The following CENPS variants were observed in gnomAD, a reference collection of about 807,000 sequenced individuals.
The protein encoded by CENPS is centromere protein S.
In CENPS, 16 loss-of-function variants were observed where a neutral mutation model predicts 17.9. That is an observed-to-expected ratio of 0.90 (90% confidence interval 0.61 to 1.36). The LOEUF (loss-of-function observed/expected upper bound fraction) is 1.36, where lower values mean the gene tolerates loss of function less well. Ranked by LOEUF, CENPS falls within the 40% of genes most tolerant of loss-of-function variation. The pLI, the probability that CENPS is intolerant of heterozygous loss-of-function variation, is 0.00. For missense variants in CENPS, 160 were observed against 158.6 expected, an observed-to-expected ratio of 1.01 and a Z score of -0.05; for synonymous variants, 49 against 55.8, an observed-to-expected ratio of 0.88 and a Z score of 0.54.
Position 10,434,722 on chromosome 1 carries a change from G to A in CENPS, c.209+32G>A, listed in dbSNP as rs1364199884. On this transcript the variant is annotated intron_variant, in intron 3 of 4. Transcript: ENST00000309048. ...AGAGAACTTGATTATCCGACACTGC[G>A]TCTGTGTAGCTTTTTGGGGCCTCTC... 5.7e-6 allele frequency: 9 copies of A among 1,579,688 alleles called. No homozygotes were observed. The Admixed American group carries it at 9.8e-5, about 17-fold the overall frequency.
At chr1:10,439,514 G>T (rs1640315952) in intron 3 of CENPS, among the ~76,000 whole-genome samples, 2 of 152,146 alleles carry the variant, frequency 1.3e-5, no homozygotes, top group Admixed American at 1.3e-4. Context: ...TTGGGAGGCA[G>T]CTGGATCATG....
At chr1:10,435,286 A>G (rs1640100051) in intron 3 of CENPS, among the ~76,000 whole-genome samples, 1 of 152,222 alleles carries the variant, frequency 6.6e-6, no homozygotes, top group Admixed American at 6.5e-5. Flanking sequence ...AATTGCTTTT[A>G]TGAAGCAATT....
chr1:10,431,117 C>T, intron 1 of CENPS: 2 of 1,415,692 alleles, frequency 1.4e-6, no homozygotes, highest in Non-Finnish European at 1.8e-6. Context: ...TTCTTCTCTG[C>T]AAAATCGTCA....
rs1557772267 is a variant in CENPS at position 10,430,519 on chromosome 1, TGGA to T, written c.11_13del (p.Glu4?). On this transcript the variant is annotated start_lost and inframe_deletion, in exon 1 of 5. Coordinates refer to ENST00000309048, the MANE Select transcript of CENPS (RefSeq NM_199294.3). Reference sequence around the variant, plus strand: ...TTTGCCCAGGGTCGGCCCGCAGTGATGGAGGAGGAGGCGGAGACCGAGGAGCAG... The same window carrying T: ...TTTGCCCAGGGTCGGCCCGCAGTGATGGAGGAGGCGGAGACCGAGGAGCAG... 3 of 1,537,008 alleles carry T rather than the reference TGGA, an allele frequency of 2.0e-6. No individual in the cohort carries two copies. The highest frequency in any genetic ancestry group is 2.6e-5 in the East Asian group (1 of 39,198).
intron 1 of CENPS, chr1:10,431,021 G>A (rs1639884925): frequency 5.3e-6 from 7 of 1,324,778 alleles, no homozygotes; most frequent in African/African-American, 4.5e-5. Context: ...GTGCGGACCA[G>A]TCAGGCCCAG....
chr1:10,439,791 C>T (rs1314085216), intron 3 of CENPS, among the ~76,000 whole-genome samples: 1 of 151,492 alleles, frequency 6.6e-6, no homozygotes, highest in African/African-American at 2.4e-5. Context: ...TGGGTTATTG[C>T]GGAGGGAATG....
intron 3 of CENPS, among the ~76,000 whole-genome samples, chr1:10,439,480 G>T (rs550755589): frequency 8.5e-5 from 13 of 152,356 alleles, no homozygotes; most frequent in Admixed American, 2.6e-4. Context: ...GGGCTTGGTG[G>T]CTCACGCCTG....
At chr1:10,438,623 T>C (rs1377772310) in intron 3 of CENPS, among the ~76,000 whole-genome samples, 3 of 152,124 alleles carry the variant, frequency 2.0e-5, no homozygotes, top group Admixed American at 2.0e-4. Flanking sequence ...TGATTTTCCC[T>C]AGCTAGAGTA....
At position 10,434,561 on chromosome 1, in the gene CENPS, C is replaced by T. The variant is rs546721322; in HGVS notation, c.176-96C>T. 5.1e-6 allele frequency: 8 copies of T among 1,555,542 alleles called. No homozygotes were observed. In the South Asian group the frequency reaches 6.0e-5, roughly 12 times the overall value. On this transcript the variant is annotated intron_variant, in intron 2 of 4. Coordinates refer to ENST00000309048, the MANE Select transcript of CENPS (RefSeq NM_199294.3). Reference sequence around the variant, plus strand: ...AGAGGGTTTGTTATATTAGTCAAGTCACTGTACTGGCTGTAGAAATCAAGG... The same window carrying T: ...AGAGGGTTTGTTATATTAGTCAAGTTACTGTACTGGCTGTAGAAATCAAGG...
chr1:10,433,883 C>A lies in CENPS; in HGVS notation c.93C>A (p.Cys31Ter). ...TTCACTATACTGTGGGTTGTCTTTGCGAGGAAGTTGCATTGGACAAAGAGA... is the reference window on the plus strand; with the variant it reads ...TTCACTATACTGTGGGTTGTCTTTGAGAGGAAGTTGCATTGGACAAAGAGA... ...AAVHYTVGCL[C>*]EEVALDKEMQ... is the part of the protein sequence containing the mutation. Residue 31 changes from cysteine to a stop codon, truncating the protein, a stop_gained, in exon 2 of 5, where the codon TGC (cysteine) becomes TGA (stop). Transcript: ENST00000309048. LOFTEE classifies it high-confidence loss of function. The A allele has an allele frequency of 1.2e-6, 2 of 1,614,154 alleles. No homozygotes were observed. The highest frequency in any genetic ancestry group is 1.7e-6 in the Non-Finnish European group (2 of 1,180,036).
intron 3 of CENPS, among the ~76,000 whole-genome samples, chr1:10,435,318 G>A (rs1295889996): frequency 6.6e-6 from 1 of 152,104 alleles, no homozygotes. Flanking sequence ...GGCCTGAAAG[G>A]GCGAAAGTGT....
intron 1 of CENPS, chr1:10,431,031 G>C: frequency 4.5e-6 from 6 of 1,339,558 alleles, no homozygotes; most frequent in Non-Finnish European, 5.8e-6. Flanking sequence ...GTCAGGCCCA[G>C]AGCTCGTCCT....
intron 3 of CENPS, among the ~76,000 whole-genome samples, chr1:10,439,659 T>A (rs993580857): frequency 1.3e-5 from 2 of 152,092 alleles, no homozygotes; most frequent in Admixed American, 6.6e-5. Context: ...GAGAATTGCT[T>A]TAACCCGGGA....
In CENPS at chr1:10,430,539, G is replaced by A. The variant is rs966253737; in HGVS notation, c.22G>A (p.Glu8Lys). Residue 8 changes from glutamate to lysine, a missense_variant, in exon 1 of 5, where the codon GAG becomes AAG. By Grantham distance (56) the Glu-to-Lys change is moderately conservative. Coordinates refer to ENST00000309048, the MANE Select transcript of CENPS (RefSeq NM_199294.3). Reference protein sequence around the residue: MEEEAETEEQQRFSYQQR... With the variant: MEEEAETKEQQRFSYQQR... The stretch of plus-strand genomic sequence containing the variant: ...AGTGATGGAGGAGGAGGCGGAGACC[G>A]AGGAGCAGCAGCGATTCTCTTACCA... 3.9e-6 allele frequency: 6 copies of A among 1,536,412 alleles called. No homozygotes were observed. The highest frequency in any genetic ancestry group is 3.5e-6 in the Non-Finnish European group (4 of 1,142,036).
intron 1 of CENPS, 101 bp downstream of exon 1, chr1:10,430,669 CG>C (rs1035241826): frequency 1.4e-6 from 2 of 1,441,974 alleles, no homozygotes; most frequent in African/African-American, 3.1e-5. Context: ...ATCGGCACCC[CG>C]CCCCCGGGCG....
rs537633406 is a variant in CENPS at position 10,440,009 on chromosome 1, CCTT to C, written c.210-334_210-332del. The C allele has an allele frequency of 5.5e-4, 162 of 297,094 alleles. 2 individuals are homozygous for C. The highest frequency in any genetic ancestry group is 8.9e-4 in the Non-Finnish European group (144 of 161,652). 18.4% of individuals were successfully genotyped at this position (297,094 alleles called of 1,614,324 possible). A position where few individuals can be genotyped will look rare whatever the true frequency, so the allele number is the denominator to read the frequency against. On this transcript the variant is annotated intron_variant, in intron 3 of 4. Coordinates refer to ENST00000309048, the MANE Select transcript of CENPS (RefSeq NM_199294.3). ...TCTCTGCACTAGAGTTGTACACTGA[CCTT>C]CTTGATTTTTCTGTGGCCTTAGCTG...
chr1:10,437,249 G>A (rs1640205478), intron 3 of CENPS, among the ~76,000 whole-genome samples: 1 of 151,992 alleles, frequency 6.6e-6, no homozygotes, highest in African/African-American at 2.4e-5. Context: ...TAGAGCTCCT[G>A]GGCTCAAGTG....
chr1:10,433,047 G>T (rs940358414), intron 1 of CENPS, among the ~76,000 whole-genome samples: 16 of 152,184 alleles, frequency 1.1e-4, no homozygotes, highest in African/African-American at 3.6e-4. Flanking sequence ...ACACTTGCTG[G>T]TAGATTTTAT....
intron 1 of CENPS, chr1:10,431,274 C>G: frequency 2.6e-6 from 4 of 1,535,172 alleles, no homozygotes; most frequent in Non-Finnish European, 1.7e-6. Context: ...AGAGGACGGA[C>G]TGAAGAAACG....
Sources: allele counts gnomAD v4.1 joint callset (sites outside exome capture counted in the v4.1 genomes callset), GRCh38; gene constraint gnomAD v4.1.1; transcripts MANE v1.5; gene names NCBI Gene and HGNC (gene_info 2026-07-23, HGNC 2026-07-21).